AFF2: variants seen among roughly 807,000 people sequenced by gnomAD.
AFF2 encodes ALF transcription elongation factor 2.
Under a neutral mutation model 76.9 loss-of-function variants are expected in AFF2, and 14 were observed. The ratio of observed to expected loss-of-function variants is 0.18; its 90% confidence interval spans 0.12 to 0.28. The LOEUF (loss-of-function observed/expected upper bound fraction) is 0.28, where lower values mean the gene tolerates loss of function less well. AFF2 is among the 10% of genes least tolerant of loss of function. The pLI, the probability that AFF2 is intolerant of heterozygous loss-of-function variation, is 1.00. For synonymous variants in AFF2, 398 were observed against 366.7 expected (o/e 1.09, Z -0.98); for missense variants, 868 against 1,001.1 (o/e 0.87, Z 1.79).
chrX:148,650,087 C>A (rs983798328), intron 1 of AFF2, among the ~76,000 whole-genome samples: 4 of 111,178 alleles, frequency 3.6e-5, no homozygotes, highest in African/African-American at 1.3e-4. Flanking sequence ...TGTTACTCTA[C>A]CCCCACCCCC....
chrX:148,697,654 C>T (rs1297322969), intron 3 of AFF2, among the ~76,000 whole-genome samples: 4 of 101,413 alleles, frequency 3.9e-5, no homozygotes, highest in Admixed American at 2.4e-4. Flanking sequence ...TCCTAGTTCC[C>T]ATTAGAAAAA....
intron 3 of AFF2, among the ~76,000 whole-genome samples, chrX:148,748,404 C>T (rs782165591): frequency 7.1e-5 from 8 of 112,066 alleles, no homozygotes; most frequent in Non-Finnish European, 1.3e-4. Flanking sequence ...TTACAGACAG[C>T]GTGCAGCCAT....
chrX:148,831,905 C>G (rs1193199488), intron 4 of AFF2, among the ~76,000 whole-genome samples: 1 of 112,154 alleles, frequency 8.9e-6, no homozygotes, highest in Non-Finnish European at 1.9e-5. Flanking sequence ...AACACCTCCT[C>G]TATACACACA....
intron 3 of AFF2, among the ~76,000 whole-genome samples, chrX:148,734,780 C>T (rs1557264961): frequency 8.9e-6 from 1 of 111,977 alleles, no homozygotes; most frequent in East Asian, 2.8e-4. Context: ...CATGTTTTTT[C>T]ATAAATTTTG....
At chrX:148,615,732 G>A (rs1158506071) in intron 1 of AFF2, among the ~76,000 whole-genome samples, 2 of 111,354 alleles carry the variant, frequency 1.8e-5, no homozygotes, top group African/African-American at 6.5e-5. Flanking sequence ...ACATTCTTGT[G>A]TTAATTTCTG....
chrX:148,729,841 C>A (rs1231230395), intron 3 of AFF2, among the ~76,000 whole-genome samples: 1 of 111,732 alleles, frequency 8.9e-6, no homozygotes, highest in Non-Finnish European at 1.9e-5. Context: ...TCTCAACTTT[C>A]CACTTTGCTA....
At chrX:148,815,614 A>T (rs782525348) in intron 4 of AFF2, among the ~76,000 whole-genome samples, 2 of 111,477 alleles carry the variant, frequency 1.8e-5, no homozygotes, top group East Asian at 5.7e-4. Flanking sequence ...AGCAGTTTAA[A>T]TATTTTTATA....
intron 3 of AFF2, among the ~76,000 whole-genome samples, chrX:148,712,286 G>T (rs1191389864): frequency 9.0e-6 from 1 of 111,546 alleles, no homozygotes; most frequent in Admixed American, 9.6e-5. Context: ...GTTGCCGTAT[G>T]CCAAACCCAA....
intron 7 of AFF2, among the ~76,000 whole-genome samples, chrX:148,844,437 C>G (rs1557274564): frequency 8.9e-6 from 1 of 111,980 alleles, no homozygotes; most frequent in African/African-American, 3.3e-5. Context: ...TTTGGAGAAA[C>G]CAATTTCCTC....
rs186651530 is a variant in AFF2 at position 148,762,697 on chromosome X, A to C, written c.1042-47179A>C. Among the ~76,000 whole-genome samples the C allele has an allele frequency of 1.5e-3, 169 of 110,319 alleles. 2 individuals are homozygous for C. The East Asian group carries it at 0.03, about 19-fold the overall frequency. ...GACTGATTCTCATTTCGTGTACCCC[A>C]TGCATCTTATAACTTCTCAGGAGCC... On this transcript the variant is annotated intron_variant, in intron 3 of 20. Transcript: ENST00000370460.
At chrX:148,756,542 C>T (rs1557266906) in intron 3 of AFF2, among the ~76,000 whole-genome samples, 1 of 112,538 alleles carries the variant, frequency 8.9e-6, no homozygotes, top group Non-Finnish European at 1.9e-5. Flanking sequence ...AAAAAGAAGA[C>T]AATTCAAGAA....
At chrX:148,910,195 G>C (rs190917150) in intron 9 of AFF2, among the ~76,000 whole-genome samples, 1 of 112,612 alleles carries the variant, frequency 8.9e-6, no homozygotes, top group Non-Finnish European at 1.9e-5. Context: ...TCCACTCTGC[G>C]TAGGAAATTA....
chrX:148,884,312 G>A lies in AFF2; in HGVS notation c.1263-1577G>A, dbSNP rs368253317. 1.3e-4 allele frequency among the ~76,000 whole-genome samples: 15 copies of A among 112,167 alleles called. No individual in the cohort carries two copies. The East Asian group carries it at 4.2e-3, about 32-fold the overall frequency. On this transcript the variant is annotated intron_variant, in intron 7 of 20. Coordinates refer to ENST00000370460, the MANE Select transcript of AFF2 (RefSeq NM_002025.4). Reference sequence around the variant, plus strand: ...CCTTTATATCAGTCTTTGGTTTGCCGACCTCAGTGTACACATTCTAGTGTT... The same window carrying A: ...CCTTTATATCAGTCTTTGGTTTGCCAACCTCAGTGTACACATTCTAGTGTT...
At chrX:148,554,629 G>T (rs1017229946) in intron 1 of AFF2, among the ~76,000 whole-genome samples, 1 of 112,315 alleles carries the variant, frequency 8.9e-6, no homozygotes, top group African/African-American at 3.2e-5. Flanking sequence ...ATTGTTTCTC[G>T]TGGGGATAAT....
At chrX:148,980,084 C>T in intron 18 of AFF2, among the ~76,000 whole-genome samples, 1 of 111,939 alleles carries the variant, frequency 8.9e-6, no homozygotes, top group South Asian at 3.8e-4. Flanking sequence ...AGTTTTCCCT[C>T]TGATCCACAA....
intron 1 of AFF2, among the ~76,000 whole-genome samples, chrX:148,531,911 A>ATT (rs1557235970): frequency 0.018 from 1,939 of 110,614 alleles, 57 homozygotes; most frequent in African/African-American, 0.058. Context: ...TTTTTTTTAA[A>ATT]AAAAAAGCAA....
intron 7 of AFF2, among the ~76,000 whole-genome samples, chrX:148,850,819 G>T (rs2070723429): frequency 8.9e-6 from 1 of 111,822 alleles, no homozygotes; most frequent in African/African-American, 3.3e-5. Context: ...TCCACCTAGG[G>T]AGTGGCAGGG....
intron 1 of AFF2, among the ~76,000 whole-genome samples, chrX:148,544,221 C>T (rs1455011751): frequency 8.9e-6 from 1 of 112,538 alleles, no homozygotes; most frequent in East Asian, 2.8e-4. Flanking sequence ...TTTTCCCAAA[C>T]AAAATACTCA....
chrX:148,612,083 A>G (rs2053739564), intron 1 of AFF2, among the ~76,000 whole-genome samples: 1 of 111,898 alleles, frequency 8.9e-6, no homozygotes, highest in African/African-American at 3.2e-5. Flanking sequence ...TTAATTTCTT[A>G]GGAAACCCCC....
Sources: gnomAD v4.1 joint callset for allele counts (sites outside exome capture counted in the v4.1 genomes callset) on GRCh38, gnomAD v4.1.1 for gene constraint, MANE v1.5 for transcripts, NCBI Gene and HGNC (gene_info 2026-07-23, HGNC 2026-07-21) for gene names.